MAGI2: variants seen among roughly 807,000 people sequenced by gnomAD.
MAGI2 encodes membrane-associated guanylate kinase, WW and PDZ domain-containing protein 2.
MAGI2 carries 35 observed loss-of-function variants against 133.3 expected under a neutral mutation model. The observed-to-expected ratio is 0.26, with a 90% CI of 0.20 to 0.35. The LOEUF is 0.35. MAGI2 is among the 10% of genes least tolerant of loss of function. MAGI2 has a pLI of 1.00. For missense variants in MAGI2, 1,636 were observed against 1,863.4 expected, an observed-to-expected ratio of 0.88 and a Z score of 2.25; for synonymous variants, 729 against 710.6, an observed-to-expected ratio of 1.03 and a Z score of -0.41.
intron 1 of MAGI2, among the ~76,000 whole-genome samples, chr7:79,088,637 G>A (rs919436996): frequency 3.9e-5 from 6 of 152,044 alleles, no homozygotes; most frequent in Admixed American, 6.6e-5. Flanking sequence ...TATGATATTG[G>A]CTGTGGGTTT....
At chr7:78,721,976 T>G (rs1169354356) in intron 2 of MAGI2, among the ~76,000 whole-genome samples, 1 of 151,804 alleles carries the variant, frequency 6.6e-6, no homozygotes, top group Non-Finnish European at 1.5e-5. Flanking sequence ...CTATTATTAC[T>G]TTTAGTGAGA....
intron 1 of MAGI2, among the ~76,000 whole-genome samples, chr7:79,398,529 A>G (rs1251249745): frequency 6.6e-6 from 1 of 152,238 alleles, no homozygotes; most frequent in East Asian, 1.9e-4. Context: ...ATAATTGAAC[A>G]GTGTAAGCTT....
intron 9 of MAGI2, among the ~76,000 whole-genome samples, chr7:78,269,139 T>C (rs1164996741): frequency 6.6e-6 from 1 of 152,242 alleles, no homozygotes; most frequent in East Asian, 1.9e-4. Flanking sequence ...GGCTGCATAG[T>C]ATTCTATGGT....
intron 1 of MAGI2, among the ~76,000 whole-genome samples, chr7:79,438,772 C>G (rs776119607): frequency 1.3e-5 from 2 of 152,058 alleles, no homozygotes; most frequent in African/African-American, 2.4e-5. Context: ...AAAACTTAAG[C>G]CTTGCTCTCA....
At chr7:78,067,824 C>G (rs745641561) in intron 21 of MAGI2, among the ~76,000 whole-genome samples, 1 of 152,126 alleles carries the variant, frequency 6.6e-6, no homozygotes, top group African/African-American at 2.4e-5. Context: ...ATGCTAACTT[C>G]GAGCAAGGTT....
intron 10 of MAGI2, among the ~76,000 whole-genome samples, chr7:78,238,751 C>T (rs1461570313): frequency 6.6e-6 from 1 of 152,128 alleles, no homozygotes; most frequent in Non-Finnish European, 1.5e-5. Context: ...ACAGTCTATT[C>T]TCAACACAGC....
intron 2 of MAGI2, among the ~76,000 whole-genome samples, chr7:78,977,754 A>G (rs764350116): frequency 6.6e-6 from 1 of 151,740 alleles, no homozygotes; most frequent in Non-Finnish European, 1.5e-5. Context: ...TGCAAGCTAC[A>G]TGAGACTAGG....
intron 3 of MAGI2, among the ~76,000 whole-genome samples, chr7:78,543,972 C>T (rs1310204054): frequency 6.6e-6 from 1 of 152,146 alleles, no homozygotes; most frequent in Non-Finnish European, 1.5e-5. Flanking sequence ...ATCCTTATAC[C>T]ATTCTCTTAC....
At position 79,235,504 on chromosome 7, in the gene MAGI2, T is replaced by G. The variant is rs960177712; in HGVS notation, c.301+217516A>C. Among the ~76,000 whole-genome samples the G allele has an allele frequency of 2.6e-5, 4 of 152,144 alleles. No homozygotes were observed. The East Asian group carries it at 5.8e-4, about 22-fold the overall frequency. ...CGGGATATAATCTCGTGGTGTGCCGTTTTTTAAGCGGGTCTGAAAAGCGCA... is the reference window on the plus strand; with the variant it reads ...CGGGATATAATCTCGTGGTGTGCCGGTTTTTAAGCGGGTCTGAAAAGCGCA... On this transcript the variant is annotated intron_variant, in intron 1 of 21. Transcript: ENST00000354212.
At chr7:78,526,854 A>G (rs1019936988) in intron 3 of MAGI2, among the ~76,000 whole-genome samples, 11 of 151,850 alleles carry the variant, frequency 7.2e-5, no homozygotes, top group African/African-American at 1.9e-4. Flanking sequence ...CTAAAAATAC[A>G]AAAATTAGGT....
intron 9 of MAGI2, among the ~76,000 whole-genome samples, chr7:78,339,425 A>C (rs969843703): frequency 6.6e-6 from 1 of 152,238 alleles, no homozygotes; most frequent in Non-Finnish European, 1.5e-5. Context: ...AAAATGAGTA[A>C]AAAAGAAAAA....
chr7:78,322,068 C>T (rs187108454), intron 9 of MAGI2, among the ~76,000 whole-genome samples: 32 of 152,312 alleles, frequency 2.1e-4, no homozygotes, highest in African/African-American at 6.7e-4. Flanking sequence ...CAGATACCCT[C>T]TCACGCCAGT....
intron 2 of MAGI2, among the ~76,000 whole-genome samples, chr7:78,942,344 G>GA (rs547902463): frequency 1.1e-4 from 17 of 151,756 alleles, no homozygotes; most frequent in South Asian, 4.2e-4. Context: ...AAACTTTCTG[G>GA]AAAAAAAATC....
At position 78,301,410 on chromosome 7, in the gene MAGI2, C is replaced by T. The variant is rs1340405748; in HGVS notation, c.1408+42368G>A. 2.0e-5 allele frequency among the ~76,000 whole-genome samples: 3 copies of T among 152,110 alleles called. No homozygotes were observed. In the East Asian group the frequency reaches 5.8e-4, roughly 29 times the overall value. Reference sequence around the variant, plus strand: ...GACACTTGGAGTACAAACATGTTCCCCAGAGGAACAATGTGCTGTGAATCC... The same window carrying T: ...GACACTTGGAGTACAAACATGTTCCTCAGAGGAACAATGTGCTGTGAATCC... On this transcript the variant is annotated intron_variant, in intron 9 of 21. Coordinates refer to ENST00000354212, the MANE Select transcript of MAGI2 (RefSeq NM_012301.4).
intron 10 of MAGI2, among the ~76,000 whole-genome samples, chr7:78,228,361 G>A (rs890711362): frequency 1.3e-5 from 2 of 152,178 alleles, no homozygotes; most frequent in Non-Finnish European, 2.9e-5. Flanking sequence ...AACCAGTGAA[G>A]GAGAATTTCT....
At chr7:78,107,828 A>G (rs928419297) in intron 20 of MAGI2, among the ~76,000 whole-genome samples, 22 of 128,186 alleles carry the variant, frequency 1.7e-4, no homozygotes, top group Non-Finnish European at 1.2e-4. Context: ...TTTCCGTGGT[A>G]TCAGTAGTCA....
At chr7:79,060,747 T>A (rs1189467264) in intron 1 of MAGI2, among the ~76,000 whole-genome samples, 3 of 152,082 alleles carry the variant, frequency 2.0e-5, no homozygotes, top group Non-Finnish European at 4.4e-5. Context: ...ACTTTCAGGG[T>A]TATGGCCTTG....
intron 1 of MAGI2, among the ~76,000 whole-genome samples, chr7:79,168,343 T>C (rs900074745): frequency 2.0e-5 from 3 of 152,108 alleles, no homozygotes; most frequent in Non-Finnish European, 4.4e-5. Flanking sequence ...TATATTTTGC[T>C]AAATGATTGT....
At chr7:78,779,448 A>G (rs1826234110) in intron 2 of MAGI2, among the ~76,000 whole-genome samples, 1 of 152,332 alleles carries the variant, frequency 6.6e-6, no homozygotes, top group South Asian at 2.1e-4. Context: ...ATTCAACTGG[A>G]TTAAGAAGAA....
Sources: gnomAD v4.1 joint callset for allele counts (sites outside exome capture counted in the v4.1 genomes callset) on GRCh38, gnomAD v4.1.1 for gene constraint, MANE v1.5 for transcripts, NCBI Gene and HGNC (gene_info 2026-07-23, HGNC 2026-07-21) for gene names.